ITIH6: variants seen among roughly 807,000 people sequenced by gnomAD.
The protein encoded by ITIH6 is inter-alpha-trypsin inhibitor heavy chain family member 6.
Under a neutral mutation model 58.2 loss-of-function variants are expected in ITIH6, and 60 were observed. The observed-to-expected ratio is 1.03, with a 90% CI of 0.84 to 1.28. The LOEUF is 1.28. Ranked by LOEUF, ITIH6 falls within the 50% of genes most tolerant of loss-of-function variation. The probability of loss-of-function intolerance (pLI) is 0.00; values close to 1 mark genes in which losing one functional copy is unlikely to be tolerated. For missense variants in ITIH6, 1,290 were observed against 1,021.1 expected, an observed-to-expected ratio of 1.26 and a Z score of -3.59; for synonymous variants, 493 against 417.4, an observed-to-expected ratio of 1.18 and a Z score of -2.21.
At chrX:54,763,254 C>G (rs1026937315) in intron 6 of ITIH6, among the ~76,000 whole-genome samples, 2 of 111,383 alleles carry the variant, frequency 1.8e-5, no homozygotes, top group African/African-American at 6.5e-5. Flanking sequence ...AGGGAGAGCT[C>G]TGGGGATAGG....
chrX:54,783,843 A>G (rs1929194121), intron 5 of ITIH6, among the ~76,000 whole-genome samples: 1 of 111,985 alleles, frequency 8.9e-6, no homozygotes, highest in South Asian at 3.7e-4. Flanking sequence ...CAATCCTAAA[A>G]TCTAAATGGA....
Position 54,758,846 on chromosome X carries a change from T to C in ITIH6, c.1228A>G (p.Ile410Val). The C allele has an allele frequency of 8.3e-7, 1 of 1,211,243 alleles. No homozygotes were observed. Among genetic ancestry groups the C allele is most frequent in the Non-Finnish European group, 1.1e-6 (1 of 895,368 alleles). ...PTAGVTTPSV[I>V]LSNVRQALGH... Reference sequence around the variant, plus strand: ...AGCGCCTGACGGACATTGGAGAGGATCACACTGGGGGTCGTCACGCCGGCC... The same window carrying C: ...AGCGCCTGACGGACATTGGAGAGGACCACACTGGGGGTCGTCACGCCGGCC... The change falls in exon 8 of 13, where the codon ATC becomes GTC. Residue 410 changes from isoleucine (I) to valine (V), a missense_variant. Coordinates refer to ENST00000218436, the MANE Select transcript of ITIH6 (RefSeq NM_198510.3).
chrX:54,758,683 C>T lies in ITIH6; in HGVS notation c.1391G>A (p.Gly464Asp). Reference protein sequence around the residue: ...EDTDAALQLKGLYEEISMPLL... With the variant: ...EDTDAALQLKDLYEEISMPLL... ...AGGCATGGAGATCTCCTCATAGAGG[C>T]CCTTCAGCTGTAGGGCCGCATCAGT... The change falls in exon 8 of 13, where the codon GGC (glycine) becomes GAC (aspartate). Residue 464 changes from glycine to aspartate, a missense_variant. Gly to Asp is a moderately conservative substitution (Grantham distance 94). Coordinates refer to ENST00000218436, the MANE Select transcript of ITIH6 (RefSeq NM_198510.3). 1.7e-6 allele frequency: 2 copies of T among 1,211,771 alleles called. No homozygotes were observed. Among genetic ancestry groups the T allele is most frequent in the Middle Eastern group, 2.3e-4 (1 of 4,354 alleles).
rs770519916 is a variant in ITIH6, at chrX:54,767,055, C to A, written c.903+7026G>T. Among the ~76,000 whole-genome samples the A allele has an allele frequency of 1.9e-3, 210 of 110,666 alleles. 3 individuals carry two copies. Among genetic ancestry groups the A allele is most frequent in the African/African-American group, 6.6e-3 (196 of 29,852 alleles). On this transcript the variant is annotated intron_variant, in intron 6 of 12. Coordinates refer to ENST00000218436, the MANE Select transcript of ITIH6 (RefSeq NM_198510.3). Reference sequence around the variant, plus strand: ...TGGTTGGTAAACTATTGGTTATTGCCACAATTTCAGCTCCTGTTATTGGTC... The same window carrying A: ...TGGTTGGTAAACTATTGGTTATTGCAACAATTTCAGCTCCTGTTATTGGTC...
In ITIH6 at chrX:54,758,995, GT is replaced by G. The variant is rs1337905302; in HGVS notation, c.1078del (p.Thr360GlnfsTer14). ...TGCCAGCAGAGCTGAGTTGACGTCTGTCCCTAATTGGGGAATAGATTGTGAG... is the reference window on the plus strand; with the variant it reads ...TGCCAGCAGAGCTGAGTTGACGTCTGCCCTAATTGGGGAATAGATTGTGAG... ...YLHCMEADGW[T>X]DVNSALLAAA... On this transcript the variant is annotated frameshift_variant and splice_region_variant, in exon 8 of 13. Transcript: ENST00000218436. LOFTEE classifies it high-confidence loss of function. 4 of 1,142,487 alleles carry G rather than the reference GT, an allele frequency of 3.5e-6. No individual in the cohort carries two copies. Among genetic ancestry groups the G allele is most frequent in the Non-Finnish European group, 3.5e-6 (3 of 855,901 alleles). 94.2% of individuals were successfully genotyped at this position (1,142,487 alleles called of 1,213,427 possible). A position where few individuals can be genotyped will look rare whatever the true frequency, so the allele number is the denominator to read the frequency against.
At chrX:54,766,863 G>T (rs1478780703) in intron 6 of ITIH6, among the ~76,000 whole-genome samples, 1 of 104,849 alleles carries the variant, frequency 9.5e-6, no homozygotes, top group Non-Finnish European at 1.9e-5. Flanking sequence ...TTTTGGTTGT[G>T]TCTCTGCCTG....
chrX:54,770,204 C>T (rs1032809763), intron 6 of ITIH6, among the ~76,000 whole-genome samples: 1 of 113,073 alleles, frequency 8.8e-6, no homozygotes, highest in Non-Finnish European at 1.9e-5. Flanking sequence ...CCTTGCGCTT[C>T]CCAGGTGAGG....
chrX:54,773,526 C>T (rs1230180736), intron 6 of ITIH6, among the ~76,000 whole-genome samples: 1 of 111,305 alleles, frequency 9.0e-6, no homozygotes, highest in Non-Finnish European at 1.9e-5. Flanking sequence ...GCCTGCAGAA[C>T]TTTATGGATT....
chrX:54,757,192 C>A lies in ITIH6; in HGVS notation c.2882G>T (p.Arg961Met). Reference sequence around the variant, plus strand: ...TAGGCTCATTGTTGGAACTCCTGGCCTAGATGGTCCCAGAACTTGCCTGGT... The same window carrying A: ...TAGGCTCATTGTTGGAACTCCTGGCATAGATGGTCCCAGAACTTGCCTGGT... Reference protein sequence around the residue: ...QRTRQVLGPSRPGVPTMSLLN... With the variant: ...QRTRQVLGPSMPGVPTMSLLN... The change falls in exon 8 of 13, where the codon AGG becomes ATG. Residue 961 changes from arginine (R) to methionine (M), a missense_variant. By Grantham distance (91) the Arg-to-Met change is moderately conservative. Coordinates refer to ENST00000218436, the MANE Select transcript of ITIH6 (RefSeq NM_198510.3). The A allele has an allele frequency of 8.3e-7, 1 of 1,206,016 alleles. No homozygotes were observed. Among genetic ancestry groups the A allele is most frequent in the Non-Finnish European group, 1.1e-6 (1 of 892,378 alleles).
chrX:54,794,764 G>A (rs1181538716), intron 2 of ITIH6, among the ~76,000 whole-genome samples: 1 of 111,051 alleles, frequency 9.0e-6, no homozygotes, highest in Admixed American at 9.6e-5. Flanking sequence ...GCTGAACAAG[G>A]GTGGATATTC....
intron 6 of ITIH6, among the ~76,000 whole-genome samples, chrX:54,760,216 G>A (rs911512460): frequency 2.7e-5 from 3 of 111,930 alleles, no homozygotes; most frequent in African/African-American, 9.7e-5. Context: ...TTTATTTGCA[G>A]TAGCCACATT....
chrX:54,755,997 T>C (rs1158322675), intron 8 of ITIH6, among the ~76,000 whole-genome samples: 1 of 110,961 alleles, frequency 9.0e-6, no homozygotes, highest in Non-Finnish European at 1.9e-5. Flanking sequence ...CCTGGAACAG[T>C]TTTCTAGGTG....
At chrX:54,762,459 C>A (rs1928668470) in intron 6 of ITIH6, among the ~76,000 whole-genome samples, 1 of 111,820 alleles carries the variant, frequency 8.9e-6, no homozygotes, top group South Asian at 3.7e-4. Context: ...GCTCTTCTGC[C>A]TCACCCTCCA....
At position 54,791,967 on chromosome X, in the gene ITIH6, T is replaced by G. The variant is rs1199680458; in HGVS notation, c.327A>C (p.Glu109Asp). ...CAGCTGTCTTTCCCTGCTGATGGGC[T>G]TCTTCATAGATTTTCTTTGCCTGGT... Reference protein sequence around the residue: ...EKHQAKKIYEEAHQQGKTAAH... With the variant: ...EKHQAKKIYEDAHQQGKTAAH... Residue 109 changes from glutamate to aspartate, a missense_variant, in exon 3 of 13, where the codon GAA (glutamate) becomes GAC (aspartate). By Grantham distance (45) the Glu-to-Asp change is conservative. Coordinates refer to ENST00000218436, the MANE Select transcript of ITIH6 (RefSeq NM_198510.3). 4 of 1,204,672 alleles carry G rather than the reference T, an allele frequency of 3.3e-6. No individual in the cohort carries two copies. In the African/African-American group the frequency reaches 7.0e-5, roughly 21 times the overall value.
intron 6 of ITIH6, among the ~76,000 whole-genome samples, chrX:54,771,013 A>G (rs1192484954): frequency 3.6e-5 from 4 of 111,800 alleles, no homozygotes. Context: ...TAACACTTGT[A>G]ATATTTCACT....
intron 6 of ITIH6, among the ~76,000 whole-genome samples, chrX:54,765,589 C>CTTTTTT (rs1160258384): frequency 1.0e-5 from 1 of 95,842 alleles, no homozygotes; most frequent in African/African-American, 3.7e-5. Flanking sequence ...GGCATTATTT[C>CTTTTTT]TTTTCTTTTT....
chrX:54,794,182 A>G (rs1370807845), intron 2 of ITIH6, among the ~76,000 whole-genome samples: 2 of 109,404 alleles, frequency 1.8e-5, no homozygotes, highest in African/African-American at 3.3e-5. Flanking sequence ...CACCTCCCCA[A>G]GGTCTCCTGG....
At chrX:54,790,765 C>T in intron 4 of ITIH6, 72 bp downstream of exon 4, 1 of 1,164,092 alleles carries the variant, frequency 8.6e-7, no homozygotes, top group Non-Finnish European at 1.2e-6. Flanking sequence ...AGAGGGAAAC[C>T]CAGTGGAATC....
At chrX:54,775,428 A>G (rs1207184727) in intron 5 of ITIH6, among the ~76,000 whole-genome samples, 1 of 110,247 alleles carries the variant, frequency 9.1e-6, no homozygotes, top group African/African-American at 3.3e-5. Context: ...GGAGCCAGGG[A>G]CACTTTGATT....
Sources: allele counts gnomAD v4.1 joint callset (sites outside exome capture counted in the v4.1 genomes callset), GRCh38; gene constraint gnomAD v4.1.1; transcripts MANE v1.5; gene names NCBI Gene and HGNC (gene_info 2026-07-23, HGNC 2026-07-21).